The following TRABD2A variants were observed in gnomAD, a reference collection of about 807,000 sequenced individuals.
TRABD2A encodes metalloprotease TIKI1.
TRABD2A carries 43 observed loss-of-function variants against 45.6 expected under a neutral mutation model. That is an observed-to-expected ratio of 0.94 (90% CI 0.74 to 1.22). The LOEUF (loss-of-function observed/expected upper bound fraction) is 1.22. Ranked by LOEUF, TRABD2A falls within the 50% of genes most tolerant of loss-of-function variation. The pLI is 0.00. For missense variants in TRABD2A, 642 were observed against 652.4 expected, an observed-to-expected ratio of 0.98 and a Z score of 0.17; for synonymous variants, 269 against 265.0, an observed-to-expected ratio of 1.02 and a Z score of -0.15.
chr2:84,880,891 T>G (rs1043589797), intron 1 of TRABD2A, 41 bp downstream of exon 1: 2 of 1,555,976 alleles, frequency 1.3e-6, no homozygotes, highest in East Asian at 2.4e-5. Context: ...CCCAAGGAGG[T>G]GCAGAGAGGC....
chr2:84,845,284 A>G (rs573642194), intron 2 of TRABD2A, among the ~76,000 whole-genome samples: 2 of 152,346 alleles, frequency 1.3e-5, no homozygotes, highest in African/African-American at 2.4e-5. Flanking sequence ...CCTGGGAGGC[A>G]GAGGTTGCAG....
At chr2:84,849,224 T>A (rs1196438039) in intron 2 of TRABD2A, among the ~76,000 whole-genome samples, 1 of 152,102 alleles carries the variant, frequency 6.6e-6, no homozygotes, top group East Asian at 1.9e-4. Flanking sequence ...CCAAGCAGAA[T>A]TCTACAGCTC....
Position 84,870,392 on chromosome 2 carries a change from C to T in TRABD2A, c.502G>A (p.Val168Met), listed in dbSNP as rs913092601. The T allele has an allele frequency of 6.2e-7, 1 of 1,614,036 alleles. No homozygotes were observed. Among genetic ancestry groups the T allele is most frequent in the Middle Eastern group, 1.6e-4 (1 of 6,062 alleles). The change falls in exon 2 of 7, where the codon GTG becomes ATG. Residue 168 changes from valine to methionine, a missense_variant. Transcript: ENST00000409520. ...GNWERKRPVW[V>M]MLMVNSLTEV... is the part of the protein sequence containing the mutation. Reference sequence around the variant, plus strand: ...GTCAGGGAGTTGACCATGAGCATCACCCAGACAGGCCTCTTGCGCTCCCAG... The same window carrying T: ...GTCAGGGAGTTGACCATGAGCATCATCCAGACAGGCCTCTTGCGCTCCCAG...
At chr2:84,855,891 G>GC (rs1310484759) in intron 2 of TRABD2A, among the ~76,000 whole-genome samples, 5 of 152,174 alleles carry the variant, frequency 3.3e-5, no homozygotes, top group African/African-American at 9.6e-5. Flanking sequence ...AAAAACAAAG[G>GC]CCCCCCAGCG....
chr2:84,862,564 G>A (rs1043827545), intron 2 of TRABD2A, among the ~76,000 whole-genome samples: 1 of 152,144 alleles, frequency 6.6e-6, no homozygotes, highest in African/African-American at 2.4e-5. Flanking sequence ...CCAGCAGCAT[G>A]TGTGGCATCC....
intron 4 of TRABD2A, chr2:84,836,988 T>G (rs1035709083): frequency 1.5e-5 from 2 of 131,830 alleles, no homozygotes; most frequent in Admixed American, 7.3e-5. Context: ...ATTTTAGGGT[T>G]TTTTTTTTTT....
At chr2:84,822,405 A>G (rs1681026846) in intron 6 of TRABD2A, among the ~76,000 whole-genome samples, 1 of 152,222 alleles carries the variant, frequency 6.6e-6, no homozygotes, top group Admixed American at 6.5e-5. Flanking sequence ...GTTTGCTAAC[A>G]TTAGTCTCTG....
At chr2:84,867,430 T>C (rs896574834) in intron 2 of TRABD2A, among the ~76,000 whole-genome samples, 1 of 152,106 alleles carries the variant, frequency 6.6e-6, no homozygotes, top group Non-Finnish European at 1.5e-5. Context: ...ATACAAAAAT[T>C]AATTCAAGAT....
chr2:84,825,240 T>G lies in TRABD2A; in HGVS notation c.1083-1036A>C, dbSNP rs144752378. Among the ~76,000 whole-genome samples the G allele has an allele frequency of 2.3e-3, 355 of 152,298 alleles. 2 individuals carry two copies. The highest frequency in any genetic ancestry group is 8.2e-3 in the African/African-American group (342 of 41,562). On this transcript the variant is annotated intron_variant, in intron 5 of 6. Coordinates refer to ENST00000409520, the MANE Select transcript of TRABD2A (RefSeq NM_001277053.2). ...CCAGCACATGTAAGAACTCAATTAC[T>G]TAGCCTTGAGGAACCATCTACCTTA...
At chr2:84,879,675 G>C (rs1683139230) in intron 1 of TRABD2A, 2 of 904,270 alleles carry the variant, frequency 2.2e-6, no homozygotes, top group Non-Finnish European at 1.3e-6. Context: ...CTCCTGCCTT[G>C]TCTAACAAGC....
intron 2 of TRABD2A, among the ~76,000 whole-genome samples, chr2:84,855,671 C>T (rs963907275): frequency 2.6e-5 from 4 of 152,074 alleles, no homozygotes; most frequent in Non-Finnish European, 5.9e-5. Flanking sequence ...CCCCTTGCCT[C>T]CCCACAGCCC....
rs529917997 is a variant in TRABD2A at position 84,876,121 on chromosome 2, G to C, written c.108+4811C>G. ...AGGGGAAGGTCAGAAATTTGGTTTT[G>C]GATCTGTCCAATTGACATGTCAAGC... is the stretch of plus-strand genomic sequence containing the variant. On this transcript the variant is annotated intron_variant, in intron 1 of 6. Coordinates refer to ENST00000409520, the MANE Select transcript of TRABD2A (RefSeq NM_001277053.2). 3.3e-5 allele frequency among the ~76,000 whole-genome samples: 5 copies of C among 152,314 alleles called. No individual in the cohort carries two copies. The South Asian group carries it at 1.0e-3, about 32-fold the overall frequency.
chr2:84,844,902 C>T (rs1056773181), intron 2 of TRABD2A, among the ~76,000 whole-genome samples: 1 of 152,238 alleles, frequency 6.6e-6, no homozygotes, highest in Non-Finnish European at 1.5e-5. Flanking sequence ...TTACCTGGTG[C>T]TTAAATACCT....
Position 84,821,858 on chromosome 2 carries a change from C to T in TRABD2A, c.*59G>A, listed in dbSNP as rs188546476. The T allele has an allele frequency of 1.5e-4, 226 of 1,464,214 alleles. No homozygotes were observed. In the Middle Eastern group the frequency reaches 3.0e-3, roughly 19 times the overall value. 90.7% of individuals were successfully genotyped at this position (1,464,214 alleles called of 1,614,324 possible). On this transcript the variant is annotated 3_prime_UTR_variant, in exon 7 of 7. Coordinates refer to ENST00000409520, the MANE Select transcript of TRABD2A (RefSeq NM_001277053.2). ...CAAGGCTAGACCAGAATGTGGAGTACAGGAATGGCCATTCTTCAAGTCCGA... is the reference window on the plus strand; with the variant it reads ...CAAGGCTAGACCAGAATGTGGAGTATAGGAATGGCCATTCTTCAAGTCCGA...
rs1239855507 is a variant in TRABD2A, at chr2:84,870,404, T to A, written c.490A>T (p.Arg164Trp). The A allele has an allele frequency of 6.2e-7, 1 of 1,613,898 alleles. No individual in the cohort carries two copies. Among genetic ancestry groups the A allele is most frequent in the Non-Finnish European group, 8.5e-7 (1 of 1,179,900 alleles). Residue 164 changes from arginine to tryptophan, a missense_variant, in exon 2 of 7, where the codon AGG becomes TGG. By Grantham distance (101) the Arg-to-Trp change is moderately radical. Coordinates refer to ENST00000409520, the MANE Select transcript of TRABD2A (RefSeq NM_001277053.2). ...ACCATGAGCATCACCCAGACAGGCC[T>A]CTTGCGCTCCCAGTTTCCGGCAATA... ...NAIAGNWERK[R>W]PVWVMLMVNS... is the part of the protein sequence containing the mutation.
chr2:84,875,824 C>T (rs554719153), intron 1 of TRABD2A, among the ~76,000 whole-genome samples: 1 of 152,096 alleles, frequency 6.6e-6, no homozygotes, highest in Non-Finnish European at 1.5e-5. Flanking sequence ...AAGACCCTGT[C>T]TCTACAAAAT....
intron 2 of TRABD2A, among the ~76,000 whole-genome samples, chr2:84,861,357 G>A (rs1238088123): frequency 6.6e-6 from 1 of 152,156 alleles, no homozygotes; most frequent in Non-Finnish European, 1.5e-5. Flanking sequence ...CAACTAGACA[G>A]TCCCATCTGG....
rs73946024 is a variant in TRABD2A, at chr2:84,838,008, C to T, written c.991+1141G>A. 3,598 of 449,036 alleles carry T rather than the reference C, an allele frequency of 8.0e-3. 118 individuals carry two copies. The highest frequency in any genetic ancestry group is 0.066 in the African/African-American group (3,275 of 49,846). 27.8% of individuals were successfully genotyped at this position (449,036 alleles called of 1,614,324 possible). On this transcript the variant is annotated intron_variant, in intron 4 of 6. Transcript: ENST00000409520. ...GCTGCTACTGATTGTTTTCAACACA[C>T]ACCCTAAGAATAGGGCTATTCACAC...
At chr2:84,829,015 A>C (rs1681232700) in intron 5 of TRABD2A, among the ~76,000 whole-genome samples, 2 of 152,194 alleles carry the variant, frequency 1.3e-5, no homozygotes, top group Non-Finnish European at 2.9e-5. Flanking sequence ...TGGGAGAAGA[A>C]AGGGTAGAAA....
Sources: allele counts gnomAD v4.1 joint callset (sites outside exome capture counted in the v4.1 genomes callset), GRCh38; gene constraint gnomAD v4.1.1; transcripts MANE v1.5; gene names NCBI Gene and HGNC (gene_info 2026-07-23, HGNC 2026-07-21).